SRBD1: variants seen among roughly 807,000 people sequenced by gnomAD.
The protein encoded by SRBD1 is S1 RNA-binding domain-containing protein 1.
Under a neutral mutation model 115.3 loss-of-function variants are expected in SRBD1, and 88 were observed. That is an observed-to-expected ratio of 0.76 (90% confidence interval 0.64 to 0.91). SRBD1 has a LOEUF of 0.91. Among genes scored for constraint, SRBD1 ranks in the 40% least tolerant of loss-of-function variants. The pLI, the probability that SRBD1 is intolerant of heterozygous loss-of-function variation, is 0.00. For missense variants in SRBD1, 1,385 were observed against 1,177.4 expected (o/e 1.18, Z -2.58); for synonymous variants, 509 against 407.7 (o/e 1.25, Z -2.99).
At chr2:45,587,086 ATTTTTT>A (rs1673563751) in intron 4 of SRBD1, among the ~76,000 whole-genome samples, 1 of 130,908 alleles carries the variant, frequency 7.6e-6, no homozygotes, top group Non-Finnish European at 1.5e-5. Flanking sequence ...AATATTTAAA[ATTTTTT>A]AAATATTTAA....
At chr2:45,610,524 A>C (rs570980623) in intron 1 of SRBD1, among the ~76,000 whole-genome samples, 1 of 152,366 alleles carries the variant, frequency 6.6e-6, no homozygotes, top group East Asian at 1.9e-4. Flanking sequence ...ACTATAGCCC[A>C]GTGCCTGGAA....
chr2:45,449,411 T>C (rs951972517), intron 16 of SRBD1, among the ~76,000 whole-genome samples: 1 of 152,184 alleles, frequency 6.6e-6, no homozygotes, highest in African/African-American at 2.4e-5. Context: ...AATCGCTTCA[T>C]AAAATAAGTG....
At position 45,524,104 on chromosome 2, in the gene SRBD1, C is replaced by G. The variant is rs138815915; in HGVS notation, c.1874+22628G>C. 1.5e-4 allele frequency among the ~76,000 whole-genome samples: 23 copies of G among 152,000 alleles called. 1 individual carries two copies. The East Asian group carries it at 3.3e-3, about 22-fold the overall frequency. On this transcript the variant is annotated intron_variant, in intron 14 of 20. Coordinates refer to ENST00000263736, the MANE Select transcript of SRBD1 (RefSeq NM_018079.5). ...AAAGGAGTTTGACAGAAGGGAGTAT[C>G]TTTTCATGATAGAAATACTCAACAA...
intron 16 of SRBD1, chr2:45,447,659 G>C (rs1413281717): frequency 1.3e-5 from 2 of 152,072 alleles, no homozygotes; most frequent in Non-Finnish European, 2.9e-5. Flanking sequence ...ACATATATTT[G>C]AAGAATAGCC....
At position 45,547,608 on chromosome 2, in the gene SRBD1, C is replaced by G. The variant is rs1456565742; in HGVS notation, c.1680G>C (p.Gln560His). 2 of 1,606,820 alleles carry G rather than the reference C, an allele frequency of 1.2e-6. No homozygotes were observed. Among genetic ancestry groups the G allele is most frequent in the East Asian group, 2.2e-5 (1 of 44,764 alleles). ...CKLAIISPTSQILHTDVVYLH... is the reference protein window; with the variant it reads ...CKLAIISPTSHILHTDVVYLH... The stretch of plus-strand genomic sequence containing the variant: ...AGTAAACCACATCAGTATGAAGTAT[C>G]TGACCTTTAAAAAATGAAAAGAATA... Residue 560 changes from glutamine (Q) to histidine (H), a missense_variant, in exon 13 of 21, where the codon CAG becomes CAC. Coordinates refer to ENST00000263736, the MANE Select transcript of SRBD1 (RefSeq NM_018079.5).
In SRBD1 at chr2:45,562,684, C is replaced by T. The variant is rs982099903; in HGVS notation, c.1378G>A (p.Asp460Asn). 2 of 1,611,352 alleles carry T rather than the reference C, an allele frequency of 1.2e-6. No individual in the cohort carries two copies. The highest frequency in any genetic ancestry group is 3.4e-5 in the Admixed American group (2 of 59,134). The change falls in exon 10 of 21, where the codon GAT becomes AAT. Residue 460 changes from aspartate to asparagine, a missense_variant. Physicochemically the swap from Asp to Asn is conservative, Grantham distance 23 (BLOSUM62 1). Coordinates refer to ENST00000263736, the MANE Select transcript of SRBD1 (RefSeq NM_018079.5). ...VKVNISDGVK[D>N]EFCRWCIQNR... is the part of the protein sequence containing the mutation. The stretch of plus-strand genomic sequence containing the variant: ...TGGATGCACCACCTACAGAATTCAT[C>T]CTTCACTCCATCAGAAATATTGACC...
intron 2 of SRBD1, among the ~76,000 whole-genome samples, chr2:45,605,108 T>C (rs1335657460): frequency 2.0e-5 from 3 of 152,216 alleles, no homozygotes; most frequent in Non-Finnish European, 4.4e-5. Context: ...TATGCTCTCA[T>C]GGAGCTTATA....
chr2:45,526,384 T>C (rs908840493), intron 14 of SRBD1, among the ~76,000 whole-genome samples: 3 of 151,962 alleles, frequency 2.0e-5, no homozygotes, highest in African/African-American at 7.2e-5. Flanking sequence ...TCATAAGAAA[T>C]ATTCAGGACA....
chr2:45,551,683 C>T (rs1279278775), intron 11 of SRBD1, among the ~76,000 whole-genome samples: 2 of 152,080 alleles, frequency 1.3e-5, no homozygotes, highest in Non-Finnish European at 1.5e-5. Flanking sequence ...TATGTAAAGG[C>T]TCATGGCTCA....
rs769882582 is a variant in SRBD1, at chr2:45,599,681, G to A, written c.416C>T (p.Thr139Ile). ...ACCCTCTAAGTTGCTGGCTTTGCTG[G>A]TTTCTTCTTCAACTTTCAGCTTTTT... is the stretch of plus-strand genomic sequence containing the variant. ...RTKKLKVEEE[T>I]SKASNLEGES... Residue 139 changes from threonine to isoleucine, a missense_variant, in exon 4 of 21, where the codon ACC (threonine) becomes ATC (isoleucine). By Grantham distance (89) the Thr-to-Ile change is moderately conservative (BLOSUM62 -1). Coordinates refer to ENST00000263736, the MANE Select transcript of SRBD1 (RefSeq NM_018079.5). The A allele has an allele frequency of 1.2e-6, 2 of 1,614,144 alleles. No homozygotes were observed. Among genetic ancestry groups the A allele is most frequent in the South Asian group, 1.1e-5 (1 of 91,074 alleles).
At chr2:45,472,399 A>G (rs1319368354) in intron 16 of SRBD1, among the ~76,000 whole-genome samples, 1 of 152,250 alleles carries the variant, frequency 6.6e-6, no homozygotes, top group African/African-American at 2.4e-5. Context: ...CCATGACTAT[A>G]CTAAAAAAAT....
At chr2:45,502,964 C>G (rs190920077) in intron 14 of SRBD1, among the ~76,000 whole-genome samples, 1 of 152,150 alleles carries the variant, frequency 6.6e-6, no homozygotes, top group Non-Finnish European at 1.5e-5. Flanking sequence ...GGATGACAGG[C>G]ATAAGCCACT....
chr2:45,572,309 G>A (rs2104145748), intron 9 of SRBD1, among the ~76,000 whole-genome samples: 1 of 152,202 alleles, frequency 6.6e-6, no homozygotes, highest in Non-Finnish European at 1.5e-5. Flanking sequence ...TGAATGAAAT[G>A]TTTAATGGGC....
At chr2:45,533,604 G>T (rs1016877043) in intron 14 of SRBD1, among the ~76,000 whole-genome samples, 1 of 151,882 alleles carries the variant, frequency 6.6e-6, no homozygotes, top group South Asian at 2.1e-4. Context: ...TTTCAAAATG[G>T]CAGTAAAATG....
At chr2:45,476,692 T>A (rs72616988) in intron 16 of SRBD1, among the ~76,000 whole-genome samples, 6,116 of 152,300 alleles carry the variant, frequency 0.04, 219 homozygotes, top group East Asian at 0.13. Context: ...ACCATTTTTA[T>A]AATAATGTTA....
intron 16 of SRBD1, among the ~76,000 whole-genome samples, chr2:45,462,609 C>A (rs1032536928): frequency 6.6e-6 from 1 of 150,412 alleles, no homozygotes; most frequent in Non-Finnish European, 1.5e-5. Context: ...AAGAGGAGAT[C>A]GAAACCATCC....
At chr2:45,577,501 G>C (rs1223966971) in intron 7 of SRBD1, among the ~76,000 whole-genome samples, 2 of 152,112 alleles carry the variant, frequency 1.3e-5, no homozygotes, top group Non-Finnish European at 2.9e-5. Flanking sequence ...CCGCACTTAA[G>C]CTACCTCTTC....
chr2:45,599,752 C>G lies in SRBD1; in HGVS notation c.345G>C (p.Lys115Asn). The G allele has an allele frequency of 6.2e-7, 1 of 1,614,152 alleles. No individual in the cohort carries two copies. The highest frequency in any genetic ancestry group is 1.1e-5 in the South Asian group (1 of 91,082). Residue 115 changes from lysine (K) to asparagine (N), a missense_variant, in exon 4 of 21, where the codon AAG becomes AAC. By Grantham distance (94) the Lys-to-Asn change is moderately conservative (BLOSUM62 0). Coordinates refer to ENST00000263736, the MANE Select transcript of SRBD1 (RefSeq NM_018079.5). ...LDTVQTLKTAKTKQKCAAQPH... is the reference protein window; with the variant it reads ...LDTVQTLKTANTKQKCAAQPH... ...GCTGCGCTGCACATTTCTGTTTTGT[C>G]TTGGCTGTTTTCAGAGTCTGTACAG...
chr2:45,527,683 C>T (rs141485164), intron 14 of SRBD1, among the ~76,000 whole-genome samples: 301 of 151,930 alleles, frequency 2.0e-3, no homozygotes, highest in African/African-American at 6.9e-3. Context: ...GAAAACCCTA[C>T]GAAGTAGATA....
Sources: allele counts gnomAD v4.1 joint callset (sites outside exome capture counted in the v4.1 genomes callset), GRCh38; gene constraint gnomAD v4.1.1; transcripts MANE v1.5; gene names NCBI Gene and HGNC (gene_info 2026-07-23, HGNC 2026-07-21).